Variants in LRP1B observed in about 807,000 individuals in gnomAD.
The protein encoded by LRP1B is LDL receptor related protein 1B.
Under a neutral mutation model 556.6 loss-of-function variants are expected in LRP1B, and 217 were observed. That is an observed-to-expected ratio of 0.39 (90% CI 0.35 to 0.44). LRP1B has a LOEUF of 0.44. Ranked by LOEUF, LRP1B falls within the 20% of genes least tolerant of loss-of-function variation. The probability of loss-of-function intolerance (pLI) is 1.00; values close to 1 mark genes in which losing one functional copy is unlikely to be tolerated. For synonymous variants in LRP1B, 2,047 were observed against 1,865.8 expected (o/e 1.10, Z -2.50); for missense variants, 5,053 against 5,620.8 (o/e 0.90, Z 3.23).
chr2:140,546,991 C>T (rs751761419), intron 43 of LRP1B, among the ~76,000 whole-genome samples: 3 of 151,980 alleles, frequency 2.0e-5, no homozygotes, highest in East Asian at 1.9e-4. Flanking sequence ...AGCTTGCATC[C>T]GAGGGATAAA....
intron 1 of LRP1B, among the ~76,000 whole-genome samples, chr2:141,989,001 C>T: frequency 6.6e-6 from 1 of 151,942 alleles, no homozygotes; most frequent in African/African-American, 2.4e-5. Context: ...TCAGTAATAC[C>T]AAACTAATTT....
In LRP1B at chr2:140,274,598, T is replaced by A. The variant is rs751944741; in HGVS notation, c.12968A>T (p.Tyr4323Phe). Residue 4323 changes from tyrosine to phenylalanine, a missense_variant and splice_region_variant, in exon 85 of 91, where the codon TAC (tyrosine) becomes TTC (phenylalanine). By Grantham distance (22) the Tyr-to-Phe change is conservative (BLOSUM62 3). Coordinates refer to ENST00000389484, the MANE Select transcript of LRP1B (RefSeq NM_018557.3). ...PEYTGDRCQYYVCHHYCVNSE... is the reference protein window; with the variant it reads ...PEYTGDRCQYFVCHHYCVNSE... ...ATTCACACAATAGTGGTGGCACACGTCTAGGAAAAAAAGGCACAACAGAAA... is the reference window on the plus strand; with the variant it reads ...ATTCACACAATAGTGGTGGCACACGACTAGGAAAAAAAGGCACAACAGAAA... The A allele has an allele frequency of 6.2e-7, 1 of 1,606,362 alleles. No homozygotes were observed. The highest frequency in any genetic ancestry group is 1.1e-5 in the South Asian group (1 of 90,038).
chr2:141,196,563 C>G (rs1681757947), intron 6 of LRP1B, among the ~76,000 whole-genome samples: 1 of 152,000 alleles, frequency 6.6e-6, no homozygotes, highest in Non-Finnish European at 1.5e-5. Context: ...TACTACACTT[C>G]CTTCCTTGAA....
chr2:142,075,721 C>T (rs1206885393), intron 1 of LRP1B, among the ~76,000 whole-genome samples: 1 of 152,088 alleles, frequency 6.6e-6, no homozygotes, highest in African/African-American at 2.4e-5. Context: ...TTCTGTTTCC[C>T]TCCGCCTCTA....
chr2:141,429,705 T>G (rs1333710758), intron 3 of LRP1B, among the ~76,000 whole-genome samples: 4 of 152,148 alleles, frequency 2.6e-5, no homozygotes, highest in Admixed American at 1.3e-4. Context: ...TGTGTTCTCA[T>G]CATGCAGCTC....
intron 83 of LRP1B, among the ~76,000 whole-genome samples, chr2:140,308,985 C>G (rs926034820): frequency 4.6e-5 from 7 of 151,716 alleles, no homozygotes; most frequent in African/African-American, 1.7e-4. Context: ...GTCCCTAAGA[C>G]TACTGTCCTT....
intron 77 of LRP1B, among the ~76,000 whole-genome samples, chr2:140,338,794 T>G (rs1681227369): frequency 6.6e-6 from 1 of 151,734 alleles, no homozygotes; most frequent in African/African-American, 2.4e-5. Flanking sequence ...ACAGGAGAGC[T>G]AAGCTACTTG....
At chr2:140,416,664 A>C (rs2105258068) in intron 66 of LRP1B, among the ~76,000 whole-genome samples, 1 of 151,196 alleles carries the variant, frequency 6.6e-6, no homozygotes, top group East Asian at 1.9e-4. Flanking sequence ...AAAAAAAAAA[A>C]CCTGTCAGTG....
intron 2 of LRP1B, among the ~76,000 whole-genome samples, chr2:141,585,815 A>C (rs1271717350): frequency 6.6e-6 from 1 of 152,064 alleles, no homozygotes; most frequent in Non-Finnish European, 1.5e-5. Flanking sequence ...TTACTCTGTC[A>C]TAGCTCACTG....
chr2:141,671,895 C>T (rs1172324750), intron 2 of LRP1B, among the ~76,000 whole-genome samples: 1 of 151,010 alleles, frequency 6.6e-6, no homozygotes, highest in Non-Finnish European at 1.5e-5. Flanking sequence ...TCCTGTATCT[C>T]TTATATGCCA....
At chr2:140,312,945 C>T (rs1684372794) in intron 83 of LRP1B, among the ~76,000 whole-genome samples, 2 of 151,804 alleles carry the variant, frequency 1.3e-5, no homozygotes, top group South Asian at 4.1e-4. Context: ...TAAGCCTGCC[C>T]CAAACCCTAG....
chr2:141,490,263 C>A (rs1683278875), intron 2 of LRP1B, among the ~76,000 whole-genome samples: 2 of 151,882 alleles, frequency 1.3e-5, no homozygotes, highest in African/African-American at 4.8e-5. Flanking sequence ...GACCAAAGTA[C>A]CGATGGTATG....
intron 11 of LRP1B, among the ~76,000 whole-genome samples, chr2:141,045,688 T>C (rs1698847890): frequency 1.3e-5 from 2 of 152,102 alleles, no homozygotes; most frequent in African/African-American, 2.4e-5. Flanking sequence ...ATATGCTAAA[T>C]ATGAAGCTTT....
At chr2:142,094,056 T>G (rs912388757) in intron 1 of LRP1B, among the ~76,000 whole-genome samples, 2 of 152,072 alleles carry the variant, frequency 1.3e-5, no homozygotes, top group African/African-American at 4.8e-5. Context: ...GATGTCATCT[T>G]CTATGTCCTC....
At chr2:141,726,882 T>C (rs574359258) in intron 2 of LRP1B, among the ~76,000 whole-genome samples, 1 of 152,238 alleles carries the variant, frequency 6.6e-6, no homozygotes, top group Admixed American at 6.6e-5. Context: ...GTAATAATCC[T>C]TGAAAGGATT....
chr2:141,670,565 C>A (rs1030518613), intron 2 of LRP1B, among the ~76,000 whole-genome samples: 2 of 152,120 alleles, frequency 1.3e-5, no homozygotes, highest in South Asian at 4.1e-4. Context: ...ATATGATGTA[C>A]GGAATGTTAA....
intron 5 of LRP1B, among the ~76,000 whole-genome samples, chr2:141,244,263 A>G (rs577126240): frequency 3.3e-5 from 5 of 152,258 alleles, no homozygotes; most frequent in African/African-American, 1.2e-4. Flanking sequence ...CCATTGCATC[A>G]CTTTGGCTTG....
intron 2 of LRP1B, among the ~76,000 whole-genome samples, chr2:141,662,672 T>C (rs1316363232): frequency 6.6e-6 from 1 of 151,998 alleles, no homozygotes; most frequent in Non-Finnish European, 1.5e-5. Context: ...GCACCGAGAT[T>C]CATAAAATGA....
intron 6 of LRP1B, among the ~76,000 whole-genome samples, chr2:141,225,435 A>G (rs923258380): frequency 6.6e-6 from 1 of 152,204 alleles, no homozygotes; most frequent in Non-Finnish European, 1.5e-5. Context: ...CCGAGGAAAC[A>G]GATGGAATTC....
Sources: gnomAD v4.1 joint callset for allele counts (sites outside exome capture counted in the v4.1 genomes callset) on GRCh38, gnomAD v4.1.1 for gene constraint, MANE v1.5 for transcripts, NCBI Gene and HGNC (gene_info 2026-07-23, HGNC 2026-07-21) for gene names.